Variants in PTPRN2 observed in about 807,000 individuals in gnomAD.
PTPRN2 encodes the protein receptor-type tyrosine-protein phosphatase N2.
In PTPRN2, 74 loss-of-function variants were observed where a neutral mutation model predicts 118.8. That is an observed-to-expected ratio of 0.62 (90% confidence interval 0.52 to 0.76). The LOEUF (loss-of-function observed/expected upper bound fraction) is 0.76. Among genes scored for constraint, PTPRN2 ranks in the 30% least tolerant of loss-of-function variants. The probability of loss-of-function intolerance (pLI) is 0.00; values close to 1 mark genes in which losing one functional copy is unlikely to be tolerated. For synonymous variants in PTPRN2, 641 were observed against 608.0 expected (o/e 1.05, Z -0.80); for missense variants, 1,481 against 1,394.4 (o/e 1.06, Z -0.99).
Position 158,337,318 on chromosome 7 carries a change from C to G in PTPRN2, c.164-20386G>C, listed in dbSNP as rs1805813248. On this transcript the variant is annotated intron_variant, in intron 2 of 22. Transcript: ENST00000389418. ...AGAGCTGTCACGCACAGACATCATTCACACCCACACTGTCACCCTAAGAGG... is the reference window on the plus strand; with the variant it reads ...AGAGCTGTCACGCACAGACATCATTGACACCCACACTGTCACCCTAAGAGG... Among the ~76,000 whole-genome samples the G allele has an allele frequency of 2.0e-5, 3 of 150,842 alleles. No homozygotes were observed. In the South Asian group the frequency reaches 6.4e-4, roughly 32 times the overall value.
rs1799515224 is a variant in PTPRN2 at position 157,725,478 on chromosome 7, CACCTCCCA to C, written c.1789-42549_1789-42542del. ...CATGCAGAGGAGTGAGCCAGACCCT[CACCTCCCA>C]GGAGAACTGGATATCCACACGCAGA... is the stretch of plus-strand genomic sequence containing the variant. On this transcript the variant is annotated intron_variant, in intron 12 of 22. Coordinates refer to ENST00000389418, the MANE Select transcript of PTPRN2 (RefSeq NM_002847.5). Among the ~76,000 whole-genome samples, 18 of 89,776 alleles carry C rather than the reference CACCTCCCA, an allele frequency of 2.0e-4. 1 individual carries two copies. The highest frequency in any genetic ancestry group is 6.6e-4 in the African/African-American group (12 of 18,224). The allele number at this position is 89,776 out of a possible 152,430, so 58.9% of individuals were successfully genotyped here. A position where few individuals can be genotyped will look rare whatever the true frequency, so the allele number is the denominator to read the frequency against.
At position 158,529,231 on chromosome 7, in the gene PTPRN2, G is replaced by A. The variant is rs887075054; in HGVS notation, c.113-39446C>T. ...CGTCGCTGTTGGTCCTGGGGCTAAC[G>A]CTGATGGGAGGAGCAGCTGCGTGCA... On this transcript the variant is annotated intron_variant, in intron 1 of 22. Transcript: ENST00000389418. The surrounding 1 kb of genome is among the most constrained non-coding windows in gnomAD (Gnocchi z 4.7). Among the ~76,000 whole-genome samples, 3 of 152,240 alleles carry A rather than the reference G, an allele frequency of 2.0e-5. No homozygotes were observed. The highest frequency in any genetic ancestry group is 2.9e-5 in the Non-Finnish European group (2 of 68,040).
intron 11 of PTPRN2, among the ~76,000 whole-genome samples, chr7:157,962,642 A>G (rs1227265890): frequency 6.6e-6 from 1 of 152,220 alleles, no homozygotes; most frequent in African/African-American, 2.4e-5. Context: ...CATGGCAGGT[A>G]CTTGAGGAAC....
chr7:157,895,139 A>G (rs1797035559), intron 12 of PTPRN2, among the ~76,000 whole-genome samples: 1 of 151,928 alleles, frequency 6.6e-6, no homozygotes, highest in Admixed American at 6.6e-5. Flanking sequence ...GAACGAGACC[A>G]TAAAATAAGC....
rs34928217 is a variant in PTPRN2, at chr7:158,414,067, CAA to C, written c.163+75666_163+75667del. On this transcript the variant is annotated intron_variant, in intron 2 of 22. Coordinates refer to ENST00000389418, the MANE Select transcript of PTPRN2 (RefSeq NM_002847.5). ...TGGGTGACAGAGACAGCCTCTATCT[CAA>C]AAAAAAAAAAAAAAAAAAAAAGGAA... Among the ~76,000 whole-genome samples, 463 of 76,436 alleles carry C rather than the reference CAA, an allele frequency of 6.1e-3. 2 individuals carry two copies. Among genetic ancestry groups the C allele is most frequent in the South Asian group, 0.027 (53 of 1,994 alleles). The allele number at this position is 76,436 out of a possible 152,430, so 50.1% of individuals were successfully genotyped here. A position where few individuals can be genotyped will look rare whatever the true frequency, so the allele number is the denominator to read the frequency against.
intron 1 of PTPRN2, among the ~76,000 whole-genome samples, chr7:158,494,081 C>G (rs2129445712): frequency 6.6e-6 from 1 of 152,356 alleles, no homozygotes; most frequent in Admixed American, 6.5e-5. Flanking sequence ...CAGGCTGGAT[C>G]TGCCTCTCTT....
chr7:158,224,838 C>A (rs1451781771), intron 3 of PTPRN2, among the ~76,000 whole-genome samples: 1 of 152,124 alleles, frequency 6.6e-6, no homozygotes. Context: ...TGACAAAGGA[C>A]TAGTATCAGG....
intron 12 of PTPRN2, among the ~76,000 whole-genome samples, chr7:157,775,349 C>G (rs939402255): frequency 7.9e-5 from 12 of 152,232 alleles, no homozygotes; most frequent in African/African-American, 2.9e-4. Flanking sequence ...CCTCACCTCA[C>G]CCTGCTGGGT....
intron 3 of PTPRN2, among the ~76,000 whole-genome samples, chr7:158,257,240 T>A (rs946856650): frequency 1.3e-5 from 2 of 152,166 alleles, no homozygotes; most frequent in Non-Finnish European, 2.9e-5. Context: ...CAGGACGCAG[T>A]CAGACGCGGA....
chr7:158,073,249 G>A (rs1176490307), intron 11 of PTPRN2, among the ~76,000 whole-genome samples: 2 of 152,242 alleles, frequency 1.3e-5, no homozygotes, highest in African/African-American at 2.4e-5. Context: ...GAACTCCCAA[G>A]AAGTGGCTTC....
chr7:158,193,138 G>A (rs922319289), intron 4 of PTPRN2, among the ~76,000 whole-genome samples: 2 of 152,244 alleles, frequency 1.3e-5, no homozygotes, highest in Admixed American at 1.3e-4. Context: ...GAGGCTAGAA[G>A]GACAAACACA....
chr7:158,405,683 C>G (rs1054403882), intron 2 of PTPRN2, among the ~76,000 whole-genome samples: 1 of 152,244 alleles, frequency 6.6e-6, no homozygotes, highest in Non-Finnish European at 1.5e-5. Context: ...ACTCTTAATA[C>G]AGTGAAACTT....
chr7:158,567,130 T>A (rs1827715904), intron 1 of PTPRN2, among the ~76,000 whole-genome samples: 1 of 152,268 alleles, frequency 6.6e-6, no homozygotes. Flanking sequence ...CAGCTCCCTG[T>A]GCTTCTAATT....
At chr7:157,924,773 C>T (rs897974148) in intron 11 of PTPRN2, among the ~76,000 whole-genome samples, 15 of 152,280 alleles carry the variant, frequency 9.9e-5, no homozygotes, top group African/African-American at 3.1e-4. Context: ...ACAGTTCTCA[C>T]CAGCTTTAGG....
chr7:157,894,031 G>A (rs940556658), intron 12 of PTPRN2, among the ~76,000 whole-genome samples: 2 of 152,222 alleles, frequency 1.3e-5, no homozygotes, highest in Non-Finnish European at 2.9e-5. Context: ...CGTGATGGAA[G>A]GGTTTGTCTG....
chr7:157,552,654 G>A (rs145965861), intron 21 of PTPRN2, among the ~76,000 whole-genome samples: 58 of 152,340 alleles, frequency 3.8e-4, no homozygotes, highest in African/African-American at 1.2e-3. Flanking sequence ...AATTAAAAAC[G>A]TAAGATGTCT....
intron 3 of PTPRN2, among the ~76,000 whole-genome samples, chr7:158,213,100 A>T (rs1482088397): frequency 6.6e-6 from 1 of 152,188 alleles, no homozygotes; most frequent in Non-Finnish European, 1.5e-5. Flanking sequence ...CCATGCAATT[A>T]TCCATAATTA....
chr7:157,720,616 A>G (rs1186065415), intron 12 of PTPRN2, among the ~76,000 whole-genome samples: 1 of 152,194 alleles, frequency 6.6e-6, no homozygotes, highest in Non-Finnish European at 1.5e-5. Flanking sequence ...CACGTGAATC[A>G]TGTGGCTTCC....
chr7:158,338,554 G>T (rs373833020), intron 2 of PTPRN2, among the ~76,000 whole-genome samples: 27 of 65,270 alleles, frequency 4.1e-4, no homozygotes, highest in African/African-American at 1.4e-3. Flanking sequence ...ACCATAAGAG[G>T]TGACACCTGC....
Sources: gnomAD v4.1 joint callset for allele counts (sites outside exome capture counted in the v4.1 genomes callset) on GRCh38, gnomAD v4.1.1 for gene constraint, Gnocchi (gnomAD v3.1) non-coding constraint, MANE v1.5 for transcripts, NCBI Gene and HGNC (gene_info 2026-07-23, HGNC 2026-07-21) for gene names.